Variants in ZNF586 observed in about 807,000 individuals in gnomAD.
ZNF586 encodes the protein zinc finger protein 586.
ZNF586 carries 7 observed loss-of-function variants against 6.7 expected under a neutral mutation model. The observed-to-expected ratio is 1.04, with a 90% CI of 0.59 to 1.95. The LOEUF is 1.95. Among genes scored for constraint, ZNF586 ranks in the 30% most tolerant of loss-of-function variants. ZNF586 has a pLI of 0.00. For synonymous variants in ZNF586, 166 were observed against 168.7 expected (o/e 0.98, Z 0.12); for missense variants, 442 against 489.6 (o/e 0.90, Z 0.92).
intron 1 of ZNF586, among the ~76,000 whole-genome samples, chr19:57,773,065 T>C (rs942501868): frequency 6.6e-6 from 1 of 152,220 alleles, no homozygotes; most frequent in Admixed American, 6.5e-5. Context: ...ACCAAATATA[T>C]ATTTCACAAT....
chr19:57,770,282 G>A (rs939784557), intron 1 of ZNF586, among the ~76,000 whole-genome samples: 1 of 148,732 alleles, frequency 6.7e-6, no homozygotes, highest in Non-Finnish European at 1.5e-5. Flanking sequence ...TCAGCCTCCC[G>A]AGTAGCTGGG....
chr19:57,772,728 C>T lies in ZNF586; in HGVS notation c.36+2850C>T, dbSNP rs1448197726. Among the ~76,000 whole-genome samples the T allele has an allele frequency of 2.0e-5, 3 of 152,182 alleles. No individual in the cohort carries two copies. In the East Asian group the frequency reaches 5.8e-4, roughly 29 times the overall value. On this transcript the variant is annotated intron_variant, in intron 1 of 2. Transcript: ENST00000396154. ...CTTCAGGCACACCACCATCCAGGAA[C>T]TTCCATGTGTTTGGCTATTTGGAAG...
intron 1 of ZNF586, 150 bp downstream of exon 1, chr19:57,770,028 C>T: frequency 1.4e-6 from 1 of 737,718 alleles, no homozygotes. Flanking sequence ...TTTCCGACAC[C>T]CAGTTGATGC....
At position 57,779,712 on chromosome 19, in the gene ZNF586, C is replaced by T. The variant is rs759649396; in HGVS notation, c.1125C>T (p.Cys375=). 11 of 1,613,974 alleles carry T rather than the reference C, an allele frequency of 6.8e-6. No individual in the cohort carries two copies. The highest frequency in any genetic ancestry group is 1.3e-5 in the African/African-American group (1 of 75,024). The part of the protein sequence containing the change: ...RVHTGERPYE[C]IDCGKSFRHS... The stretch of plus-strand genomic sequence containing the variant: ...ACACTGGAGAAAGGCCATATGAATG[C>T]ATTGATTGTGGAAAATCATTTCGCC... Residue 375 remains cysteine (C), a synonymous_variant, in exon 3 of 3, where the codon TGC becomes TGT. Transcript: ENST00000396154.
chr19:57,771,019 C>G (rs1475735071), intron 1 of ZNF586, among the ~76,000 whole-genome samples: 1 of 151,954 alleles, frequency 6.6e-6, no homozygotes, highest in African/African-American at 2.4e-5. Flanking sequence ...TGGGGTTTCA[C>G]GGCCGGGCGC....
chr19:57,776,833 C>T (rs940182999), intron 2 of ZNF586, among the ~76,000 whole-genome samples, 164 bp downstream of exon 2: 1 of 152,130 alleles, frequency 6.6e-6, no homozygotes, highest in Non-Finnish European at 1.5e-5. Context: ...CCTGTCCTTT[C>T]CTTGAGCAGC....
chr19:57,770,075 G>A (rs1417002110), intron 1 of ZNF586, among the ~76,000 whole-genome samples, 197 bp downstream of exon 1: 1 of 152,130 alleles, frequency 6.6e-6, no homozygotes, highest in Non-Finnish European at 1.5e-5. Flanking sequence ...GCAAAGGCCT[G>A]CAGGCGCGAC....
chr19:57,774,757 T>C (rs1987186494), intron 1 of ZNF586: 1 of 985,156 alleles, frequency 1.0e-6, no homozygotes. Context: ...TCCTTTTTAA[T>C]TTACCAAGAC....
intron 1 of ZNF586, among the ~76,000 whole-genome samples, chr19:57,771,407 T>C (rs1338741014): frequency 6.6e-6 from 1 of 151,830 alleles, no homozygotes. Context: ...CTTCCCAAAG[T>C]GCTGGGATGC....
chr19:57,769,902 T>TTACCCACCC (rs1987046850), intron 1 of ZNF586, 24 bp downstream of exon 1: 10 of 1,522,352 alleles, frequency 6.6e-6, no homozygotes, highest in South Asian at 6.1e-5. Context: ...CCTCCGGGCC[T>TTACCCACCC]TACCCACCCT....
rs774739066 is a variant in ZNF586, at chr19:57,778,921, C to T, written c.334C>T (p.His112Tyr). 38 of 1,614,046 alleles carry T rather than the reference C, an allele frequency of 2.4e-5. No homozygotes were observed. The highest frequency in any genetic ancestry group is 3.2e-5 in the Non-Finnish European group (38 of 1,180,000). The part of the protein sequence containing the change: ...CLTEPRRDHK[H>Y]RNVRTGERPY... Reference sequence around the variant, plus strand: ...CACTGAACCCAGAAGAGATCACAAACACAGGAATGTTCGCACTGGAGAAAG... The same window carrying T: ...CACTGAACCCAGAAGAGATCACAAATACAGGAATGTTCGCACTGGAGAAAG... Residue 112 changes from histidine (H) to tyrosine (Y), a missense_variant, in exon 3 of 3, where the codon CAC becomes TAC. Coordinates refer to ENST00000396154, the MANE Select transcript of ZNF586 (RefSeq NM_017652.4).
rs1290274334 is a variant in ZNF586 at position 57,780,314 on chromosome 19, C to T, written c.*518C>T. 6.3e-6 allele frequency: 1 copy of T among 157,750 alleles called. No homozygotes were observed. Among genetic ancestry groups the T allele is most frequent in the Non-Finnish European group, 1.4e-5 (1 of 71,034 alleles). The allele number at this position is 157,750 out of a possible 1,614,324, so 9.8% of individuals were successfully genotyped here. A position where few individuals can be genotyped will look rare whatever the true frequency, so the allele number is the denominator to read the frequency against. On this transcript the variant is annotated 3_prime_UTR_variant, in exon 3 of 3. Transcript: ENST00000396154. ...TCCAGAAGTAACTTTGATTTTGTTT[C>T]ATTCAACAGAGGGATTTTTTAGTAT...
intron 2 of ZNF586, among the ~76,000 whole-genome samples, chr19:57,777,912 C>A (rs182804285): frequency 1.3e-5 from 2 of 150,768 alleles, no homozygotes; most frequent in African/African-American, 2.4e-5. Context: ...CCCACCACCA[C>A]GCCCGGCTAA....
At position 57,778,775 on chromosome 19, in the gene ZNF586, A is replaced by G. The variant is rs1987301143; in HGVS notation, c.188A>G (p.Glu63Gly). The G allele has an allele frequency of 6.2e-7, 1 of 1,608,666 alleles. No homozygotes were observed. The highest frequency in any genetic ancestry group is 1.1e-5 in the South Asian group (1 of 90,188). ...SLGCWHGGED[E>G]AAPSKQSTCI... is the part of the protein sequence containing the mutation. ...GGTTGTTGGCATGGAGGGGAAGATG[A>G]GGCAGCACCTTCTAAGCAGAGCACG... The change falls in exon 3 of 3, where the codon GAG becomes GGG. Residue 63 changes from glutamate (E) to glycine (G), a missense_variant. Physicochemically the swap from Glu to Gly is moderately conservative, Grantham distance 98 (BLOSUM62 -2). Coordinates refer to ENST00000396154, the MANE Select transcript of ZNF586 (RefSeq NM_017652.4).
intron 2 of ZNF586, 83 bp from the exon 3 acceptor site, chr19:57,778,668 T>G: frequency 7.5e-7 from 1 of 1,330,196 alleles, no homozygotes; most frequent in Non-Finnish European, 1.0e-6. Flanking sequence ...AGACTAGTTT[T>G]TTGGTTTGTC....
intron 1 of ZNF586, among the ~76,000 whole-genome samples, chr19:57,775,038 C>T (rs1047620321): frequency 5.3e-5 from 8 of 149,890 alleles, no homozygotes; most frequent in Non-Finnish European, 1.0e-4. Context: ...CTCGCTCTGT[C>T]GCCCAGGCTG....
intron 1 of ZNF586, 91 bp from the exon 2 acceptor site, chr19:57,776,452 A>G: frequency 6.8e-7 from 1 of 1,463,090 alleles, no homozygotes. Context: ...TGGGAGGAGG[A>G]GGATGGGCAA....
chr19:57,769,877 A>T lies in ZNF586; in HGVS notation c.35A>T (p.Gln12Leu). Residue 12 changes from glutamine to leucine, a missense_variant and splice_region_variant, in exon 1 of 3, where the codon CAG (glutamine) becomes CTG (leucine). Physicochemically the swap from Gln to Leu is moderately radical, Grantham distance 113. Coordinates refer to ENST00000396154, the MANE Select transcript of ZNF586 (RefSeq NM_017652.4). ...GCAGCCGCTCTGAGGGCGCCTGCTC[A>T]GGTGAGCGCTGCGACCTCCGGGCCT... is the stretch of plus-strand genomic sequence containing the variant. ...AAAAALRAPAQSSVTFEDVAV... is the reference protein window; with the variant it reads ...AAAAALRAPALSSVTFEDVAV... 5 of 1,540,714 alleles carry T rather than the reference A, an allele frequency of 3.2e-6. No individual in the cohort carries two copies. Among genetic ancestry groups the T allele is most frequent in the Non-Finnish European group, 4.4e-6 (5 of 1,143,336 alleles).
chr19:57,777,781 GT>G (rs1987270498), intron 2 of ZNF586, among the ~76,000 whole-genome samples: 1 of 94,700 alleles, frequency 1.1e-5, no homozygotes, highest in East Asian at 3.7e-4. Context: ...TTGAGATGGA[GT>G]TTCGCTCTTG....
Sources: gnomAD v4.1 joint callset for allele counts (sites outside exome capture counted in the v4.1 genomes callset) on GRCh38, gnomAD v4.1.1 for gene constraint, MANE v1.5 for transcripts, NCBI Gene and HGNC (gene_info 2026-07-23, HGNC 2026-07-21) for gene names.